DPP6: variants seen among roughly 807,000 people sequenced by gnomAD.
DPP6 encodes dipeptidyl peptidase like 6.
Under a neutral mutation model 122.6 loss-of-function variants are expected in DPP6, and 69 were observed. The observed-to-expected ratio is 0.56, with a 90% CI of 0.46 to 0.69. The LOEUF (loss-of-function observed/expected upper bound fraction) is 0.69. Among genes scored for constraint, DPP6 ranks in the 30% least tolerant of loss-of-function variants. The pLI is 0.00. For synonymous variants in DPP6, 418 were observed against 433.1 expected, an observed-to-expected ratio of 0.97 and a Z score of 0.43; for missense variants, 928 against 1,116.9, an observed-to-expected ratio of 0.83 and a Z score of 2.41.
intron 3 of DPP6, among the ~76,000 whole-genome samples, chr7:154,525,321 A>AT (rs1047036098): frequency 5.3e-5 from 8 of 151,892 alleles, no homozygotes; most frequent in African/African-American, 1.7e-4. Flanking sequence ...CTTTTAAATT[A>AT]TTTTTTTTGA....
At chr7:154,654,509 C>T (rs919318835) in intron 6 of DPP6, among the ~76,000 whole-genome samples, 1 of 151,724 alleles carries the variant, frequency 6.6e-6, no homozygotes, top group Non-Finnish European at 1.5e-5. Context: ...ACCTCTGCCT[C>T]CCAGGTTCAG....
chr7:153,876,718 T>A, the DPP6 span, among the ~76,000 whole-genome samples: 2 of 152,070 alleles, frequency 1.3e-5, no homozygotes, highest in African/African-American at 2.4e-5. Context: ...TTAGTCATTG[T>A]GTAAACATCA....
chr7:154,274,751 A>T (rs1804018001), intron 1 of DPP6, among the ~76,000 whole-genome samples: 1 of 152,222 alleles, frequency 6.6e-6, no homozygotes, highest in African/African-American at 2.4e-5. Context: ...TGTGTATATT[A>T]GGCTCTAAAC....
At chr7:154,097,953 G>T (rs1267833610) in intron 1 of DPP6, among the ~76,000 whole-genome samples, 1 of 152,310 alleles carries the variant, frequency 6.6e-6, no homozygotes, top group South Asian at 2.1e-4. Flanking sequence ...AGTCTTATGG[G>T]TTGTGCTCGC....
At chr7:154,560,128 AAGG>A (rs1184522122) in intron 4 of DPP6, among the ~76,000 whole-genome samples, 5 of 152,000 alleles carry the variant, frequency 3.3e-5, no homozygotes, top group Non-Finnish European at 7.4e-5. Context: ...TACATGACAG[AAGG>A]AGGTGTGCCA....
At chr7:153,962,740 C>A (rs568188387) in intron 1 of DPP6, among the ~76,000 whole-genome samples, 19 of 152,280 alleles carry the variant, frequency 1.2e-4, no homozygotes, top group Non-Finnish European at 2.5e-4. Flanking sequence ...TATCATCCAC[C>A]CATGTGGAAC....
chr7:153,902,352 T>G (rs1054701400), intron 1 of DPP6, among the ~76,000 whole-genome samples: 1 of 152,162 alleles, frequency 6.6e-6, no homozygotes, highest in Non-Finnish European at 1.5e-5. Context: ...AGAAGGTAGT[T>G]TTGCATATTA....
chr7:154,839,997 G>A (rs150964278), intron 16 of DPP6, among the ~76,000 whole-genome samples: 19 of 152,306 alleles, frequency 1.2e-4, no homozygotes, highest in African/African-American at 4.3e-4. Context: ...CAGGCACAGT[G>A]AGAGGAACTA....
At chr7:154,301,508 G>C (rs1267827461) in intron 1 of DPP6, among the ~76,000 whole-genome samples, 1 of 152,180 alleles carries the variant, frequency 6.6e-6, no homozygotes, top group East Asian at 1.9e-4. Context: ...CACAACTTTA[G>C]GGGGGGTAAC....
intron 1 of DPP6, among the ~76,000 whole-genome samples, chr7:154,015,394 A>G (rs1417990174): frequency 6.6e-6 from 1 of 152,098 alleles, no homozygotes; most frequent in East Asian, 1.9e-4. Flanking sequence ...TATACTGGCC[A>G]TATGATGAGG....
At chr7:154,415,020 C>T (rs932598944) in intron 1 of DPP6, among the ~76,000 whole-genome samples, 5 of 152,142 alleles carry the variant, frequency 3.3e-5, no homozygotes, top group African/African-American at 1.2e-4. Flanking sequence ...GAAGGCTGGC[C>T]ACTGCAGGGC....
At chr7:153,918,567 T>TCACACACACACACACACA (rs1563006184) in intron 1 of DPP6, among the ~76,000 whole-genome samples, 4 of 46,160 alleles carry the variant, frequency 8.7e-5, no homozygotes, top group Non-Finnish European at 1.2e-4. Flanking sequence ...ACACACACAG[T>TCACACACACACACACACA]CTCTCTCTCT....
intron 6 of DPP6, among the ~76,000 whole-genome samples, chr7:154,642,319 A>G (rs1836155035): frequency 6.6e-6 from 1 of 152,084 alleles, no homozygotes; most frequent in Admixed American, 6.5e-5. Context: ...TTGGCCTGGC[A>G]TGGTGGCTCA....
At chr7:154,178,477 C>A (rs1585561947) in intron 1 of DPP6, among the ~76,000 whole-genome samples, 1 of 146,906 alleles carries the variant, frequency 6.8e-6, no homozygotes, top group African/African-American at 2.5e-5. Context: ...AATTGTTTCA[C>A]AGTTTTATTA....
intron 1 of DPP6, among the ~76,000 whole-genome samples, chr7:154,116,316 A>T (rs1806980614): frequency 6.6e-6 from 1 of 152,226 alleles, no homozygotes; most frequent in South Asian, 2.1e-4. Flanking sequence ...AAAGAATAAA[A>T]CACTGGGTTC....
intron 1 of DPP6, among the ~76,000 whole-genome samples, chr7:154,081,448 G>A (rs1804004456): frequency 8.1e-6 from 1 of 124,086 alleles, no homozygotes; most frequent in African/African-American, 2.9e-5. Flanking sequence ...TAAAACAACA[G>A]ACATACACTA....
chr7:153,872,184 A>T, the DPP6 span, among the ~76,000 whole-genome samples: 12 of 152,202 alleles, frequency 7.9e-5, no homozygotes, highest in Non-Finnish European at 1.6e-4. Context: ...ATTAGCATCA[A>T]CTGGGTACAT....
intron 1 of DPP6, among the ~76,000 whole-genome samples, chr7:154,202,149 T>C (rs1799207927): frequency 6.6e-6 from 1 of 152,156 alleles, no homozygotes; most frequent in African/African-American, 2.4e-5. Flanking sequence ...GCTCATGCAT[T>C]TCCCCATTTC....
chr7:154,854,525 C>CAGTTACGGAGGGT (rs1802661907), intron 17 of DPP6, among the ~76,000 whole-genome samples: 2 of 151,860 alleles, frequency 1.3e-5, no homozygotes, highest in Admixed American at 6.6e-5. Context: ...AGGTGGAGGA[C>CAGTTACGGAGGGT]GAGGAACAGT....
Sources: gnomAD v4.1 joint callset for allele counts (sites outside exome capture counted in the v4.1 genomes callset) on GRCh38, gnomAD v4.1.1 for gene constraint, MANE v1.5 for transcripts, NCBI Gene and HGNC (gene_info 2026-07-23, HGNC 2026-07-21) for gene names.